The following LEMD1 variants were observed in gnomAD, a reference collection of about 807,000 sequenced individuals.
The protein encoded by LEMD1 is LEM domain-containing protein 1.
A neutral mutation model predicts 17.4 loss-of-function variants in LEMD1; 18 were observed. The ratio of observed to expected loss-of-function variants is 1.04; its 90% CI spans 0.72 to 1.54. LEMD1 has a LOEUF of 1.54. LEMD1 is among the 40% of genes most tolerant of loss of function. The pLI is 0.00. For synonymous variants in LEMD1, 88 were observed against 77.8 expected (o/e 1.13, Z -0.69); for missense variants, 195 against 210.4 (o/e 0.93, Z 0.45).
intron 1 of LEMD1, among the ~76,000 whole-genome samples, chr1:205,443,668 T>C (rs1006032193): frequency 6.6e-6 from 1 of 152,214 alleles, no homozygotes; most frequent in Non-Finnish European, 1.5e-5. Context: ...TCTAAAGTGC[T>C]CTGGTTATCC....
chr1:205,393,254 T>G (rs996543183), intron 4 of LEMD1, among the ~76,000 whole-genome samples: 1 of 152,124 alleles, frequency 6.6e-6, no homozygotes, highest in East Asian at 1.9e-4. Context: ...ATAAGATTCC[T>G]TATAATAAGA....
At chr1:205,414,035 T>C (rs898570285) in intron 4 of LEMD1, among the ~76,000 whole-genome samples, 6 of 152,078 alleles carry the variant, frequency 3.9e-5, no homozygotes, top group South Asian at 4.1e-4. Flanking sequence ...TAAAGAACAG[T>C]TGAAGTAATG....
At chr1:205,422,984 A>G (rs1246407324), upstream of LEMD1, among the ~76,000 whole-genome samples, 2 of 152,230 alleles carry the variant, frequency 1.3e-5, no homozygotes, top group African/African-American at 4.8e-5. Context: ...GTTATAATAC[A>G]CATAAAGTGC....
chr1:205,384,847 T>C (rs1663911609), intron 4 of LEMD1, among the ~76,000 whole-genome samples: 1 of 152,090 alleles, frequency 6.6e-6, no homozygotes, highest in African/African-American at 2.4e-5. Flanking sequence ...AATGTGAAGA[T>C]GGGATGTCAG....
chr1:205,447,716 C>G (rs2102475060), intron 1 of LEMD1, among the ~76,000 whole-genome samples: 1 of 150,940 alleles, frequency 6.6e-6, no homozygotes, highest in South Asian at 2.1e-4. Context: ...TGGTAGCACA[C>G]CAGGAGCCAG....
intron 4 of LEMD1, among the ~76,000 whole-genome samples, chr1:205,407,861 T>C (rs6421770): frequency 0.31 from 46,770 of 151,998 alleles, 7,547 homozygotes; most frequent in African/African-American, 0.38. Flanking sequence ...AATTGTTGGA[T>C]ACCTGGCTGG....
rs913198924 is a variant in LEMD1 at position 205,420,542 on chromosome 1, T to C, written c.-6A>G. The C allele has an allele frequency of 1.9e-6, 3 of 1,612,416 alleles. No homozygotes were observed. Among genetic ancestry groups the C allele is most frequent in the Non-Finnish European group, 2.5e-6 (3 of 1,178,482 alleles). Reference sequence around the variant, plus strand: ...AGACACTTCACATCCACCATGATGATAGAAGTTTGGCCTCTTTTCTGATGG... The same window carrying C: ...AGACACTTCACATCCACCATGATGACAGAAGTTTGGCCTCTTTTCTGATGG... On this transcript the variant is annotated 5_prime_UTR_variant, in exon 2 of 6. Transcript: ENST00000367153.
At chr1:205,415,174 CCATGGGGAGAAG>C (rs138144626) in intron 4 of LEMD1, among the ~76,000 whole-genome samples, 2,500 of 152,202 alleles carry the variant, frequency 0.016, 30 homozygotes, top group Non-Finnish European at 0.023. Context: ...AGGGGGATAA[CCATGGGGAGAAG>C]CATGAACACG....
At chr1:205,399,367 A>T (rs1419466793) in intron 4 of LEMD1, among the ~76,000 whole-genome samples, 1 of 152,244 alleles carries the variant, frequency 6.6e-6, no homozygotes, top group Non-Finnish European at 1.5e-5. Context: ...GCAATTGGAG[A>T]TAAATAGAAA....
At chr1:205,438,624 A>C (rs80288734) in intron 1 of LEMD1, among the ~76,000 whole-genome samples, 66 of 152,214 alleles carry the variant, frequency 4.3e-4, no homozygotes, top group Admixed American at 6.5e-4. Context: ...CCTGGCTAGA[A>C]GCTGCTACCT....
chr1:205,426,328 T>C (rs1666054511), upstream of LEMD1, among the ~76,000 whole-genome samples: 1 of 152,208 alleles, frequency 6.6e-6, no homozygotes, highest in African/African-American at 2.4e-5. Context: ...GATAAACATG[T>C]AAGATGTAGT....
intron 4 of LEMD1, among the ~76,000 whole-genome samples, chr1:205,411,419 G>A (rs1413217127): frequency 6.6e-6 from 1 of 151,980 alleles, no homozygotes. Flanking sequence ...GCCGGGCGTG[G>A]TGGCGGGCGC....
intron 1 of LEMD1, among the ~76,000 whole-genome samples, chr1:205,444,743 A>C (rs1327649887): frequency 3.3e-5 from 5 of 152,142 alleles, no homozygotes; most frequent in African/African-American, 1.2e-4. Context: ...GTGGAAGGCT[A>C]GGAAGCTATT....
chr1:205,405,569 T>G (rs1370202660), intron 4 of LEMD1, among the ~76,000 whole-genome samples: 1 of 147,116 alleles, frequency 6.8e-6, no homozygotes, highest in Admixed American at 6.7e-5. Flanking sequence ...CTTTAAGCAC[T>G]TCTCTGTATT....
At chr1:205,413,752 A>C (rs1295714308) in intron 4 of LEMD1, among the ~76,000 whole-genome samples, 1 of 150,724 alleles carries the variant, frequency 6.6e-6, no homozygotes, top group Middle Eastern at 3.2e-3. Flanking sequence ...TCCCGAGTTC[A>C]AGTGATTCTT....
At chr1:205,403,166 T>G (rs932742958) in intron 4 of LEMD1, among the ~76,000 whole-genome samples, 2 of 152,186 alleles carry the variant, frequency 1.3e-5, no homozygotes, top group African/African-American at 4.8e-5. Context: ...AATTCTCTTT[T>G]TTGGTTGTGT....
At chr1:205,424,995 T>C (rs1666036792), upstream of LEMD1, among the ~76,000 whole-genome samples, 1 of 152,182 alleles carries the variant, frequency 6.6e-6, no homozygotes, top group African/African-American at 2.4e-5. Flanking sequence ...AGACACACGA[T>C]TCATGAATGA....
At chr1:205,405,380 T>A (rs1665042466) in intron 4 of LEMD1, among the ~76,000 whole-genome samples, 1 of 150,340 alleles carries the variant, frequency 6.7e-6, no homozygotes, top group African/African-American at 2.5e-5. Context: ...AGTCCCATAT[T>A]TCTTGGAGGC....
intron 4 of LEMD1, chr1:205,386,004 T>A (rs1235058557): frequency 6.6e-6 from 1 of 152,464 alleles, no homozygotes. Flanking sequence ...CAAGGTAGAC[T>A]GGACTGGAGT....
Sources: allele counts gnomAD v4.1 joint callset (sites outside exome capture counted in the v4.1 genomes callset), GRCh38; gene constraint gnomAD v4.1.1; transcripts MANE v1.5; gene names NCBI Gene and HGNC (gene_info 2026-07-23, HGNC 2026-07-21).